The following DMD variants were observed in gnomAD, a reference collection of about 807,000 sequenced individuals.
The protein encoded by DMD is mutant dystrophin.
A neutral mutation model predicts 330.1 loss-of-function variants in DMD; 63 were observed. That is an observed-to-expected ratio of 0.19 (90% CI 0.16 to 0.24). The LOEUF (loss-of-function observed/expected upper bound fraction) is 0.24, where lower values mean the gene tolerates loss of function less well. DMD is among the 10% of genes least tolerant of loss of function. The probability of loss-of-function intolerance (pLI) is 1.00; values close to 1 mark genes in which losing one functional copy is unlikely to be tolerated. For synonymous variants in DMD, 1,223 were observed against 959.8 expected, an observed-to-expected ratio of 1.27 and a Z score of -5.07; for missense variants, 3,344 against 2,684.1, an observed-to-expected ratio of 1.25 and a Z score of -5.43.
intron 55 of DMD, among the ~76,000 whole-genome samples, chrX:31,558,384 C>T (rs934377323): frequency 3.2e-4 from 36 of 111,103 alleles, no homozygotes; most frequent in Non-Finnish European, 5.6e-5. Context: ...CTGCAACGTG[C>T]GTGCAGATCC....
At chrX:32,894,385 C>A (rs1449069183) in intron 2 of DMD, among the ~76,000 whole-genome samples, 1 of 112,405 alleles carries the variant, frequency 8.9e-6, no homozygotes, top group Non-Finnish European at 1.9e-5. Flanking sequence ...AGTGCCTTAC[C>A]TGTAGAAACG....
At chrX:32,025,324 A>G (rs1385964007) in intron 44 of DMD, among the ~76,000 whole-genome samples, 1 of 112,277 alleles carries the variant, frequency 8.9e-6, no homozygotes, top group Non-Finnish European at 1.9e-5. Context: ...CTATAACTGC[A>G]GTATCTGATG....
intron 12 of DMD, among the ~76,000 whole-genome samples, chrX:32,612,088 T>A (rs1489604241): frequency 1.8e-5 from 2 of 111,105 alleles, no homozygotes; most frequent in African/African-American, 6.5e-5. Context: ...GAGGGTGAAC[T>A]CGTAAGGCAT....
intron 54 of DMD, among the ~76,000 whole-genome samples, chrX:31,638,626 CTACT>C (rs2079551711): frequency 8.9e-6 from 1 of 112,282 alleles, no homozygotes; most frequent in Admixed American, 9.5e-5. Context: ...TTTTACTTAC[CTACT>C]TGTCTAAAAG....
At chrX:32,645,349 G>A (rs755643261) in intron 9 of DMD, among the ~76,000 whole-genome samples, 197 bp from the exon 10 acceptor site, 19 of 111,599 alleles carry the variant, frequency 1.7e-4, no homozygotes, top group South Asian at 1.5e-3. Flanking sequence ...TTCAAATAGC[G>A]GTCAAAATCC....
intron 34 of DMD, 51 bp from the exon 35 acceptor site, chrX:32,365,250 T>G: frequency 8.6e-7 from 1 of 1,158,384 alleles, no homozygotes; most frequent in Non-Finnish European, 1.2e-6. Flanking sequence ...AGTCTTAAGA[T>G]TTAATGCTTA....
At chrX:32,776,561 C>T (rs1280242086) in intron 7 of DMD, among the ~76,000 whole-genome samples, 1 of 110,581 alleles carries the variant, frequency 9.0e-6, no homozygotes, top group South Asian at 3.9e-4. Flanking sequence ...GCAGTGGGGT[C>T]GGGGGGAAGG....
intron 9 of DMD, among the ~76,000 whole-genome samples, chrX:32,653,866 T>C (rs954723278): frequency 4.5e-5 from 5 of 111,833 alleles, no homozygotes; most frequent in African/African-American, 1.6e-4. Context: ...CTTGAAGAGG[T>C]CCTTCACATC....
intron 44 of DMD, among the ~76,000 whole-genome samples, chrX:32,019,262 C>A (rs762533412): frequency 9.0e-6 from 1 of 111,117 alleles, no homozygotes; most frequent in Admixed American, 9.6e-5. Context: ...CTTGTCTGGG[C>A]TCACTAGATT....
intron 44 of DMD, among the ~76,000 whole-genome samples, chrX:32,212,096 T>TG (rs781328000): frequency 8.9e-6 from 1 of 112,033 alleles, no homozygotes; most frequent in South Asian, 3.7e-4. Flanking sequence ...TCCTTCATGG[T>TG]GTTCAGCTTT....
intron 1 of DMD, among the ~76,000 whole-genome samples, chrX:33,072,249 C>T (rs2094770182): frequency 9.0e-6 from 1 of 111,720 alleles, no homozygotes; most frequent in Non-Finnish European, 1.9e-5. Context: ...GAAACCCCTT[C>T]TCTACTAAAA....
At chrX:32,862,424 A>G (rs944022675) in intron 2 of DMD, among the ~76,000 whole-genome samples, 2 of 111,519 alleles carry the variant, frequency 1.8e-5, no homozygotes, top group Non-Finnish European at 3.8e-5. Context: ...GATGTTATGA[A>G]CCCAGAAGTA....
chrX:32,361,393 G>T (rs1003901862), intron 37 of DMD, among the ~76,000 whole-genome samples: 1 of 111,442 alleles, frequency 9.0e-6, no homozygotes, highest in South Asian at 3.7e-4. Context: ...CTCTCATGCT[G>T]TCTCTCTCCA....
At chrX:31,865,347 A>C in intron 48 of DMD, among the ~76,000 whole-genome samples, 1 of 112,303 alleles carries the variant, frequency 8.9e-6, no homozygotes, top group Non-Finnish European at 1.9e-5. Flanking sequence ...ACTGTCATCC[A>C]GTGTTTTTCA....
chrX:33,301,037 T>C (rs756327078), intron 1 of DMD, among the ~76,000 whole-genome samples: 21 of 111,748 alleles, frequency 1.9e-4, no homozygotes, highest in Non-Finnish European at 1.5e-4. Flanking sequence ...GCAGTATCCA[T>C]GCACTCGCTG....
chrX:31,600,627 G>A (rs1238463311), intron 55 of DMD, among the ~76,000 whole-genome samples: 1 of 102,121 alleles, frequency 9.8e-6, no homozygotes. Flanking sequence ...ATGCCCTATG[G>A]TTTTCTGTTT....
intron 44 of DMD, among the ~76,000 whole-genome samples, chrX:32,138,998 A>C (rs1238726633): frequency 8.9e-6 from 1 of 112,389 alleles, no homozygotes; most frequent in African/African-American, 3.2e-5. Context: ...TTTTTTGGAA[A>C]CCAAAAGAAA....
intron 44 of DMD, among the ~76,000 whole-genome samples, chrX:32,132,324 C>T (rs1318045392): frequency 9.0e-6 from 1 of 111,572 alleles, no homozygotes; most frequent in Non-Finnish European, 1.9e-5. Context: ...ATGAATAAAA[C>T]ACTCCATCAA....
At chrX:31,671,475 G>A (rs1400386909) in intron 53 of DMD, among the ~76,000 whole-genome samples, 1 of 112,360 alleles carries the variant, frequency 8.9e-6, no homozygotes, top group Non-Finnish European at 1.9e-5. Flanking sequence ...GGCGTTTCAA[G>A]TCTATATTCA....
Sources: gnomAD v4.1 joint callset for allele counts (sites outside exome capture counted in the v4.1 genomes callset) on GRCh38, gnomAD v4.1.1 for gene constraint, MANE v1.5 for transcripts, NCBI Gene and HGNC (gene_info 2026-07-23, HGNC 2026-07-21) for gene names.